FYB1: variants seen among roughly 807,000 people sequenced by gnomAD.
FYB1 encodes the protein FYN-binding protein 1.
A neutral mutation model predicts 94.1 loss-of-function variants in FYB1; 41 were observed. The ratio of observed to expected loss-of-function variants is 0.44; its 90% CI spans 0.34 to 0.57. The LOEUF is 0.57. Ranked by LOEUF, FYB1 falls within the 20% of genes least tolerant of loss-of-function variation. The probability of loss-of-function intolerance (pLI) is 0.02; values close to 1 mark genes in which losing one functional copy is unlikely to be tolerated. For synonymous variants in FYB1, 367 were observed against 353.2 expected, an observed-to-expected ratio of 1.04 and a Z score of -0.44; for missense variants, 1,050 against 976.8, an observed-to-expected ratio of 1.07 and a Z score of -1.00.
rs1484189740 is a variant in FYB1, at chr5:39,243,790, AT to A, written c.-28+30612del. 1.6e-3 allele frequency among the ~76,000 whole-genome samples: 247 copies of A among 152,200 alleles called. 3 individuals carry two copies. The highest frequency in any genetic ancestry group is 0.014 in the Middle Eastern group (4 of 294). ...ATCCATGAGCATGGAATGTTCTTCC[AT>A]TTGTTTGTGTCCTCTTTTATTTCGT... is the stretch of plus-strand genomic sequence containing the variant. On this transcript the variant is annotated intron_variant, in intron 1 of 1. Transcript: ENST00000510188.
At chr5:39,139,390 T>C (rs147840938) in intron 4 of FYB1, 138 bp from the exon 5 acceptor site, 4 of 748,626 alleles carry the variant, frequency 5.3e-6, no homozygotes, top group Non-Finnish European at 5.8e-6. Flanking sequence ...GATACAGAAA[T>C]AGAAAATCAA....
intron 2 of FYB1, among the ~76,000 whole-genome samples, chr5:39,193,805 A>C (rs1296350770): frequency 1.3e-5 from 2 of 152,204 alleles, no homozygotes; most frequent in Non-Finnish European, 2.9e-5. Flanking sequence ...AATGGAACGG[A>C]ATCTGGGTCC....
intron 2 of FYB1, among the ~76,000 whole-genome samples, chr5:39,189,532 CAGCTGTGTTGAAGGGTTCAGCTTGGAGAT>C (rs1298278898): frequency 6.6e-6 from 1 of 152,186 alleles, no homozygotes; most frequent in African/African-American, 2.4e-5. Flanking sequence ...AGGAAGACCA[CAGCTGTGTTGAAGGGTTCAGCTTGGAGAT>C]AGCTGAACTA....
intron 3 of FYB1, among the ~76,000 whole-genome samples, chr5:39,145,381 T>C (rs983674027): frequency 5.9e-5 from 9 of 152,182 alleles, no homozygotes; most frequent in Admixed American, 3.9e-4. Flanking sequence ...ACACGCAATA[T>C]GAAACATCGC....
intron 1 of FYB1, among the ~76,000 whole-genome samples, chr5:39,208,668 C>T (rs1041187111): frequency 6.6e-6 from 1 of 152,146 alleles, no homozygotes; most frequent in Non-Finnish European, 1.5e-5. Context: ...AGAAAGCCAG[C>T]CCTCGTCCTG....
intron 2 of FYB1, among the ~76,000 whole-genome samples, chr5:39,162,123 TATA>T (rs1401736591): frequency 6.6e-6 from 1 of 152,240 alleles, no homozygotes; most frequent in Non-Finnish European, 1.5e-5. Flanking sequence ...TTCTGCCTGT[TATA>T]CAGAATGCTG....
chr5:39,158,359 T>C (rs1743943208), intron 2 of FYB1, among the ~76,000 whole-genome samples: 1 of 152,194 alleles, frequency 6.6e-6, no homozygotes, highest in African/African-American at 2.4e-5. Flanking sequence ...TCAGTGGTTA[T>C]CTGGCCCTGC....
intron 1 of FYB1, among the ~76,000 whole-genome samples, chr5:39,218,609 C>G (rs189378985): frequency 2.0e-4 from 30 of 152,272 alleles, no homozygotes; most frequent in African/African-American, 7.0e-4. Context: ...TCAACAACTC[C>G]ATGAGATGAG....
rs1286501293 is a variant in FYB1 at position 39,122,420 on chromosome 5, A to G, written c.2072-18T>C. 21 of 1,487,628 alleles carry G rather than the reference A, an allele frequency of 1.4e-5. No individual in the cohort carries two copies. Among genetic ancestry groups the G allele is most frequent in the Non-Finnish European group, 1.9e-5 (21 of 1,082,174 alleles). 92.2% of individuals were successfully genotyped at this position (1,487,628 alleles called of 1,614,324 possible). The stretch of plus-strand genomic sequence containing the variant: ...TCCCATGTCTAACAAAAGACAGAAT[A>G]TCAAAGGTTGAAACACTGTTAGTTT... On this transcript the variant is annotated intron_variant, in intron 13 of 18. Transcript: ENST00000512982.
intron 1 of FYB1, among the ~76,000 whole-genome samples, chr5:39,257,988 G>A (rs1471037094): frequency 6.6e-6 from 1 of 152,168 alleles, no homozygotes; most frequent in African/African-American, 2.4e-5. Flanking sequence ...ACTTGAGCGT[G>A]CATCAGAATC....
chr5:39,153,640 C>A, intron 2 of FYB1, 36 bp from the exon 3 acceptor site: 1 of 1,549,890 alleles, frequency 6.5e-7, no homozygotes, highest in African/African-American at 1.4e-5. Flanking sequence ...TGAATTAAGA[C>A]AAATCTTCAA....
At chr5:39,214,239 A>C (rs1268684891) in intron 1 of FYB1, among the ~76,000 whole-genome samples, 1 of 152,244 alleles carries the variant, frequency 6.6e-6, no homozygotes, top group Non-Finnish European at 1.5e-5. Context: ...AGCAGAAAAT[A>C]ACGAGTGTTG....
intron 1 of FYB1, among the ~76,000 whole-genome samples, chr5:39,209,277 G>C (rs1227190210): frequency 2.6e-5 from 4 of 151,926 alleles, no homozygotes; most frequent in Non-Finnish European, 5.9e-5. Context: ...CTCCTCTATC[G>C]ATAATAGAAC....
chr5:39,243,737 G>T (rs1441096831), intron 1 of FYB1, among the ~76,000 whole-genome samples: 1 of 152,164 alleles, frequency 6.6e-6, no homozygotes, highest in Non-Finnish European at 1.5e-5. Context: ...TGGGCAGTAT[G>T]GCCATTTTCA....
chr5:39,229,737 G>C (rs143284537), intron 1 of FYB1, among the ~76,000 whole-genome samples: 1 of 152,116 alleles, frequency 6.6e-6, no homozygotes, highest in African/African-American at 2.4e-5. Flanking sequence ...AGGGCAATCA[G>C]GTTTAGAGAG....
intron 2 of FYB1, among the ~76,000 whole-genome samples, chr5:39,156,868 G>T (rs1044261006): frequency 6.6e-6 from 1 of 152,032 alleles, no homozygotes. Context: ...GCAAAAATAT[G>T]TTTTTATTCT....
intron 1 of FYB1, among the ~76,000 whole-genome samples, chr5:39,234,163 T>C (rs917234140): frequency 1.3e-5 from 2 of 152,066 alleles, no homozygotes; most frequent in Non-Finnish European, 2.9e-5. Context: ...AGCACATATG[T>C]CAGGAAGGCT....
rs549282311 is a variant in FYB1, at chr5:39,273,973, A to G, written c.-28+430T>C. Among the ~76,000 whole-genome samples the G allele has an allele frequency of 4.7e-4, 72 of 151,604 alleles. 1 individual carries two copies. The highest frequency in any genetic ancestry group is 1.6e-3 in the African/African-American group (68 of 41,286). ...AGAGTCTTGCTCTGTCCCCCAGGCTAGAGTACAGTGGCACGATCTCAGCTC... is the reference window on the plus strand; with the variant it reads ...AGAGTCTTGCTCTGTCCCCCAGGCTGGAGTACAGTGGCACGATCTCAGCTC... On this transcript the variant is annotated intron_variant, in intron 1 of 1. Coordinates refer to the FYB1 transcript ENST00000510188.
At chr5:39,221,102 A>C (rs567001077), upstream of FYB1, among the ~76,000 whole-genome samples, 1 of 152,296 alleles carries the variant, frequency 6.6e-6, no homozygotes, top group South Asian at 2.1e-4. Flanking sequence ...GTCCCTCTTG[A>C]CATTAGATTT....
Sources: allele counts gnomAD v4.1 joint callset (sites outside exome capture counted in the v4.1 genomes callset), GRCh38; gene constraint gnomAD v4.1.1; transcripts MANE v1.5; gene names NCBI Gene and HGNC (gene_info 2026-07-23, HGNC 2026-07-21).